The following SCAF11 variants were observed in gnomAD, a reference collection of about 807,000 sequenced individuals.
SCAF11 encodes SR-related CTD associated factor 11, also known as protein SCAF11.
Under a neutral mutation model 140.5 loss-of-function variants are expected in SCAF11, and 47 were observed. The observed-to-expected ratio is 0.33, with a 90% CI of 0.26 to 0.43. The LOEUF (loss-of-function observed/expected upper bound fraction) is 0.43, where lower values mean the gene tolerates loss of function less well. Ranked by LOEUF, SCAF11 falls within the 20% of genes least tolerant of loss-of-function variation. SCAF11 has a pLI of 1.00. For synonymous variants in SCAF11, 557 were observed against 579.4 expected (o/e 0.96, Z 0.55); for missense variants, 1,645 against 1,705.1 (o/e 0.96, Z 0.62).
intron 3 of SCAF11, chr12:45,961,400 A>AAGT: frequency 1.5e-6 from 1 of 681,102 alleles, no homozygotes; most frequent in Non-Finnish European, 2.7e-6. Context: ...GCACAGAGTC[A>AAGT]AGTACACTGA....
intron 1 of SCAF11, among the ~76,000 whole-genome samples, chr12:45,966,152 A>T (rs1264356377): frequency 6.6e-6 from 1 of 152,190 alleles, no homozygotes; most frequent in African/African-American, 2.4e-5. Context: ...AGATGACTAA[A>T]ATGGTGACAG....
Position 45,970,880 on chromosome 12 carries a change from G to A in SCAF11, c.-21-6692C>T, listed in dbSNP as rs900211210. ...GTTTCAGAACGTCTCTAAAATTCTCGTGCAGTGTGGAAGCGAGTGCCAAAA... is the reference window on the plus strand; with the variant it reads ...GTTTCAGAACGTCTCTAAAATTCTCATGCAGTGTGGAAGCGAGTGCCAAAA... On this transcript the variant is annotated intron_variant, in intron 1 of 14. Transcript: ENST00000369367. Among the ~76,000 whole-genome samples, 6 of 152,272 alleles carry A rather than the reference G, an allele frequency of 3.9e-5. No homozygotes were observed. In the East Asian group the frequency reaches 1.2e-3, roughly 29 times the overall value.
At position 45,942,344 on chromosome 12, in the gene SCAF11, C is replaced by T. The variant is rs549525480; in HGVS notation, c.463+2905G>A. 5.9e-5 allele frequency among the ~76,000 whole-genome samples: 9 copies of T among 152,316 alleles called. No individual in the cohort carries two copies. In the East Asian group the frequency reaches 1.5e-3, roughly 26 times the overall value. ...CACTACAATTTGTGGCCTAGAAAAA[C>T]GTCACCTAAAATAAAAAGAACAAAA... On this transcript the variant is annotated intron_variant, in intron 6 of 14. Coordinates refer to ENST00000369367, the MANE Select transcript of SCAF11 (RefSeq NM_004719.3).
chr12:45,925,323 C>T lies in SCAF11; in HGVS notation c.3560-249G>A, dbSNP rs193075620. On this transcript the variant is annotated intron_variant, in intron 11 of 14. Coordinates refer to ENST00000369367, the MANE Select transcript of SCAF11 (RefSeq NM_004719.3). ...ATCCCAGCACTTTGGGAGGCCAAGG[C>T]GGGCAGATCACCTGAGGTCAGGTGT... Among the ~76,000 whole-genome samples the T allele has an allele frequency of 8.5e-5, 13 of 152,134 alleles. No homozygotes were observed. In the South Asian group the frequency reaches 2.1e-3, roughly 24 times the overall value.
intron 1 of SCAF11, among the ~76,000 whole-genome samples, chr12:45,988,269 T>C (rs1011540989): frequency 2.0e-5 from 3 of 152,218 alleles, no homozygotes; most frequent in Admixed American, 2.0e-4. Context: ...GTTGACTTTC[T>C]TTTTATTACT....
Position 45,928,321 on chromosome 12 carries a change from A to G in SCAF11, c.1380T>C (p.His460=). 1.9e-6 allele frequency: 3 copies of G among 1,614,046 alleles called. No homozygotes were observed. Among genetic ancestry groups the G allele is most frequent in the Non-Finnish European group, 2.5e-6 (3 of 1,179,988 alleles). ...TTTCCTCTGTATCATAATTTGCAGTATGCTTCTCACTTTCTTCTATTTGCT... is the reference window on the plus strand; with the variant it reads ...TTTCCTCTGTATCATAATTTGCAGTGTGCTTCTCACTTTCTTCTATTTGCT... ...CNEQIEESEK[H]TANYDTEERV... is the part of the protein sequence containing the mutation. The change falls in exon 11 of 15, where the codon CAT becomes CAC. Residue 460 remains histidine, a synonymous_variant. Coordinates refer to ENST00000369367, the MANE Select transcript of SCAF11 (RefSeq NM_004719.3).
intron 1 of SCAF11, among the ~76,000 whole-genome samples, chr12:45,985,380 G>C (rs2136672267): frequency 6.6e-6 from 1 of 152,118 alleles, no homozygotes; most frequent in South Asian, 2.1e-4. Context: ...CTGACATCCT[G>C]TCCTGGGATG....
Position 45,922,118 on chromosome 12 carries a change from T to C in SCAF11, c.4322A>G (p.Lys1441Arg). The C allele has an allele frequency of 6.2e-7, 1 of 1,613,930 alleles. No homozygotes were observed. The highest frequency in any genetic ancestry group is 8.5e-7 in the Non-Finnish European group (1 of 1,179,944). The part of the protein sequence containing the change: ...NLVKAYVDKY[K>R]YSRKGSQKKT... Reference sequence around the variant, plus strand: ...CTTTTGGCTCCCCTTCCGTGAATATTTGTATTTGTCTACATAGGCTTTAAC... The same window carrying C: ...CTTTTGGCTCCCCTTCCGTGAATATCTGTATTTGTCTACATAGGCTTTAAC... The change falls in exon 15 of 15, where the codon AAA becomes AGA. Residue 1441 changes from lysine to arginine, a missense_variant. Physicochemically the swap from Lys to Arg is conservative, Grantham distance 26. Transcript: ENST00000369367.
intron 1 of SCAF11, among the ~76,000 whole-genome samples, chr12:45,978,368 A>G (rs1191620124): frequency 6.6e-6 from 1 of 152,210 alleles, no homozygotes; most frequent in Non-Finnish European, 1.5e-5. Context: ...GCAAACCTAA[A>G]GCTCTCTTAT....
intron 6 of SCAF11, among the ~76,000 whole-genome samples, chr12:45,937,540 T>C (rs1396977718): frequency 2.0e-5 from 3 of 148,494 alleles, no homozygotes; most frequent in African/African-American, 7.5e-5. Context: ...ATGGTGTAGA[T>C]GGGTGGTCAG....
At chr12:45,972,959 GATAT>G (rs879822532) in intron 1 of SCAF11, among the ~76,000 whole-genome samples, 6 of 117,922 alleles carry the variant, frequency 5.1e-5, no homozygotes, top group South Asian at 2.6e-4. Flanking sequence ...TAGATATATA[GATAT>G]ATATATAGAT....
intron 1 of SCAF11, among the ~76,000 whole-genome samples, chr12:45,982,024 A>C (rs972268940): frequency 6.6e-6 from 1 of 152,230 alleles, no homozygotes; most frequent in Non-Finnish European, 1.5e-5. Context: ...CGATGGTTGG[A>C]ATGGCTATAT....
In SCAF11 at chr12:45,965,340, G is replaced by A. The variant is rs75023600; in HGVS notation, c.-21-1152C>T. 3.6e-4 allele frequency among the ~76,000 whole-genome samples: 55 copies of A among 152,280 alleles called. No homozygotes were observed. In the East Asian group the frequency reaches 0.01, roughly 28 times the overall value. ...GGCTGCAGAAATTCTGAGATTTGGT[G>A]AGCAACTACAGTGAAGGAGACAATA... is the stretch of plus-strand genomic sequence containing the variant. On this transcript the variant is annotated intron_variant, in intron 1 of 14. Coordinates refer to ENST00000369367, the MANE Select transcript of SCAF11 (RefSeq NM_004719.3).
intron 6 of SCAF11, among the ~76,000 whole-genome samples, chr12:45,938,758 C>T (rs2136541086): frequency 2.0e-5 from 3 of 150,710 alleles, no homozygotes; most frequent in Middle Eastern, 6.8e-3. Flanking sequence ...GAACCCAGTA[C>T]TTGGCAGGCA....
At chr12:45,934,671 T>C (rs1346145309) in intron 6 of SCAF11, among the ~76,000 whole-genome samples, 166 bp from the exon 7 acceptor site, 1 of 152,220 alleles carries the variant, frequency 6.6e-6, no homozygotes, top group Non-Finnish European at 1.5e-5. Context: ...GCTGATTTCA[T>C]CTTACCTTGT....
At position 45,919,361 on chromosome 12, in the gene SCAF11, C is replaced by A. The variant is rs1357162507; in HGVS notation, c.*2687G>T. The A allele has an allele frequency of 1.3e-5, 2 of 152,508 alleles. No individual in the cohort carries two copies. Among genetic ancestry groups the A allele is most frequent in the East Asian group, 3.8e-4 (2 of 5,200 alleles). The allele number at this position is 152,508 out of a possible 1,614,324, so 9.4% of individuals were successfully genotyped here. On this transcript the variant is annotated 3_prime_UTR_variant, in exon 15 of 15. Transcript: ENST00000369367. ...GAAAAAAATGTGATAATTACCAAAA[C>A]AAATTTTAAAAAGCACAAAACTTTT...
At chr12:45,961,119 T>C in intron 3 of SCAF11, 1 of 530,776 alleles carries the variant, frequency 1.9e-6, no homozygotes, top group Non-Finnish European at 3.4e-6. Context: ...ACTCTGAAAT[T>C]AGTCCACACT....
At position 45,934,435 on chromosome 12, in the gene SCAF11, GT is replaced by G. The variant is rs1945124500; in HGVS notation, c.522+11del. 6.3e-7 allele frequency: 1 copy of G among 1,578,650 alleles called. No individual in the cohort carries two copies. Among genetic ancestry groups the G allele is most frequent in the South Asian group, 1.2e-5 (1 of 83,812 alleles). On this transcript the variant is annotated intron_variant, in intron 7 of 14. Transcript: ENST00000369367. ...TCATCTAAGAAAAAGATTTTTCTTG[GT>G]TTCAACAAACCTTATTTATCTTTAT...
upstream of SCAF11, among the ~76,000 whole-genome samples, chr12:45,990,915 G>C (rs1197393651): frequency 6.6e-6 from 1 of 152,262 alleles, no homozygotes; most frequent in Non-Finnish European, 1.5e-5. Flanking sequence ...TGGTGCGCAT[G>C]CGCAGCGCGT....
Sources: allele counts gnomAD v4.1 joint callset (sites outside exome capture counted in the v4.1 genomes callset), GRCh38; gene constraint gnomAD v4.1.1; transcripts MANE v1.5; gene names NCBI Gene and HGNC (gene_info 2026-07-23, HGNC 2026-07-21).